SORCS1: variants seen among roughly 807,000 people sequenced by gnomAD.
SORCS1 encodes the protein VPS10 domain-containing receptor SorCS1.
Under a neutral mutation model 146.1 loss-of-function variants are expected in SORCS1, and 60 were observed. The ratio of observed to expected loss-of-function variants is 0.41; its 90% CI spans 0.33 to 0.51. The LOEUF (loss-of-function observed/expected upper bound fraction) is 0.51. Among genes scored for constraint, SORCS1 ranks in the 20% least tolerant of loss-of-function variants. The pLI, the probability that SORCS1 is intolerant of heterozygous loss-of-function variation, is 0.21. For synonymous variants in SORCS1, 637 were observed against 584.0 expected, an observed-to-expected ratio of 1.09 and a Z score of -1.31; for missense variants, 1,352 against 1,487.6, an observed-to-expected ratio of 0.91 and a Z score of 1.50.
At chr10:106,929,539 T>C (rs537486192) in intron 2 of SORCS1, among the ~76,000 whole-genome samples, 1 of 152,284 alleles carries the variant, frequency 6.6e-6, no homozygotes. Flanking sequence ...GAAACCACAC[T>C]GAGAGAGATT....
At position 106,831,730 on chromosome 10, in the gene SORCS1, T is replaced by C. The variant is rs1948553673; in HGVS notation, c.627-2057A>G. 3.3e-5 allele frequency among the ~76,000 whole-genome samples: 5 copies of C among 151,492 alleles called. No homozygotes were observed. The South Asian group carries it at 1.0e-3, about 31-fold the overall frequency. On this transcript the variant is annotated intron_variant, in intron 2 of 25. Coordinates refer to ENST00000263054, the MANE Select transcript of SORCS1 (RefSeq NM_052918.5). ...GCTGGAAATTCAAGATATTTCTTCC[T>C]AAAATTTATACATAGATGGCAAACA...
At chr10:107,152,591 G>A (rs897278615) in intron 1 of SORCS1, among the ~76,000 whole-genome samples, 2 of 152,132 alleles carry the variant, frequency 1.3e-5, no homozygotes, top group Admixed American at 1.3e-4. Flanking sequence ...GCTCTCATGG[G>A]ATCTGATGGT....
chr10:106,858,098 G>C (rs375372362), intron 2 of SORCS1, among the ~76,000 whole-genome samples: 2 of 152,296 alleles, frequency 1.3e-5, no homozygotes, highest in African/African-American at 4.8e-5. Flanking sequence ...AGTAGGTTAA[G>C]GGGAAGTCAT....
At chr10:106,802,500 T>A (rs1946953369) in intron 3 of SORCS1, among the ~76,000 whole-genome samples, 1 of 72,504 alleles carries the variant, frequency 1.4e-5, no homozygotes, top group Non-Finnish European at 3.2e-5. Context: ...CCCAGCTAAT[T>A]TTTTTTTTTT....
At chr10:107,056,870 G>A (rs939894137) in intron 1 of SORCS1, among the ~76,000 whole-genome samples, 4 of 152,178 alleles carry the variant, frequency 2.6e-5, no homozygotes, top group Non-Finnish European at 5.9e-5. Context: ...CAATAGGCCA[G>A]GTAATGGATA....
At chr10:106,969,202 T>A (rs1174556958) in intron 1 of SORCS1, among the ~76,000 whole-genome samples, 6 of 152,250 alleles carry the variant, frequency 3.9e-5, no homozygotes, top group Admixed American at 6.5e-5. Flanking sequence ...TCCATGTGAT[T>A]CTAGTTCTAA....
In SORCS1 at chr10:106,693,774, C is replaced by G. The variant is rs183834062; in HGVS notation, c.1414-5436G>C. On this transcript the variant is annotated intron_variant, in intron 9 of 25. Coordinates refer to ENST00000263054, the MANE Select transcript of SORCS1 (RefSeq NM_052918.5). ...AGTCTTCCCATAAATATCTCTAGTA[C>G]TTCTTATGCTCTTTATTATAAATCA... 1.1e-3 allele frequency among the ~76,000 whole-genome samples: 162 copies of G among 152,232 alleles called. 1 individual carries two copies. The highest frequency in any genetic ancestry group is 3.7e-3 in the African/African-American group (154 of 41,530).
At chr10:106,713,592 C>T (rs73380328) in intron 6 of SORCS1, among the ~76,000 whole-genome samples, 5,466 of 152,286 alleles carry the variant, frequency 0.036, 287 homozygotes, top group African/African-American at 0.12. Context: ...GTGAGCCAGG[C>T]AGTCTGAAGC....
At chr10:107,097,901 T>A (rs543396215) in intron 1 of SORCS1, among the ~76,000 whole-genome samples, 1 of 152,268 alleles carries the variant, frequency 6.6e-6, no homozygotes, top group African/African-American at 2.4e-5. Context: ...AAAATCTACA[T>A]CCTTGAGCTA....
In SORCS1 at chr10:107,038,650, T is replaced by C. The variant is rs1959021131; in HGVS notation, c.559-82070A>G. 3.3e-5 allele frequency among the ~76,000 whole-genome samples: 5 copies of C among 150,236 alleles called. No homozygotes were observed. The South Asian group carries it at 1.1e-3, about 32-fold the overall frequency. On this transcript the variant is annotated intron_variant, in intron 1 of 25. Transcript: ENST00000263054. ...TTGTTTTAAACTGGTAAAATGGGGA[T>C]AAAGAGGAAAGTAGACACTGCCCAC... is the stretch of plus-strand genomic sequence containing the variant.
At chr10:106,693,470 G>T (rs1304630123) in intron 9 of SORCS1, among the ~76,000 whole-genome samples, 1 of 152,112 alleles carries the variant, frequency 6.6e-6, no homozygotes, top group African/African-American at 2.4e-5. Flanking sequence ...GTATCAGAAT[G>T]TTCTACTCAA....
intron 2 of SORCS1, among the ~76,000 whole-genome samples, chr10:106,896,400 G>T (rs2137985790): frequency 6.8e-6 from 1 of 146,702 alleles, no homozygotes; most frequent in South Asian, 2.2e-4. Flanking sequence ...CTGCACTCCA[G>T]CCTGGGTGAC....
intron 2 of SORCS1, among the ~76,000 whole-genome samples, chr10:106,866,078 A>T (rs1185196350): frequency 1.3e-5 from 2 of 150,626 alleles, no homozygotes; most frequent in Admixed American, 6.6e-5. Context: ...GCCTGTTCCC[A>T]TATCTCCTCA....
Position 106,671,356 on chromosome 10 carries a change from A to G in SORCS1, c.2070T>C (p.Cys690=), listed in dbSNP as rs747924874. The G allele has an allele frequency of 1.9e-6, 3 of 1,614,048 alleles. No individual in the cohort carries two copies. The highest frequency in any genetic ancestry group is 2.5e-6 in the Non-Finnish European group (3 of 1,179,948). Reference sequence around the variant, plus strand: ...TATATATCCTTTTTGCTCCCATGATACATGCTTCCCCCTGTAAGCAGAGAA... The same window carrying G: ...TATATATCCTTTTTGCTCCCATGATGCATGCTTCCCCCTGTAAGCAGAGAA... The part of the protein sequence containing the change: ...PWQLHSQGEA[C]IMGAKRIYKK... The change falls in exon 16 of 26, where the codon TGT becomes TGC. Residue 690 remains cysteine (C), a synonymous_variant. Coordinates refer to ENST00000263054, the MANE Select transcript of SORCS1 (RefSeq NM_052918.5).
At chr10:106,955,003 C>T (rs946229971) in intron 2 of SORCS1, among the ~76,000 whole-genome samples, 1 of 152,258 alleles carries the variant, frequency 6.6e-6, no homozygotes, top group Non-Finnish European at 1.5e-5. Context: ...GCAGCTGCCC[C>T]ACACAACGGG....
chr10:107,007,803 C>T (rs1451712768), intron 1 of SORCS1, among the ~76,000 whole-genome samples: 15 of 151,550 alleles, frequency 9.9e-5, no homozygotes, highest in South Asian at 2.1e-4. Flanking sequence ...CCATTGAATA[C>T]CATGCGAGGC....
chr10:106,736,602 TA>T (rs10684476), intron 5 of SORCS1, among the ~76,000 whole-genome samples: 35 of 38,774 alleles, frequency 9.0e-4, no homozygotes, highest in African/African-American at 2.3e-3. Context: ...TAACCCTGGT[TA>T]AAAAAAAAAA....
the SORCS1 span, among the ~76,000 whole-genome samples, chr10:107,178,029 A>G: frequency 2.6e-5 from 4 of 152,142 alleles, no homozygotes; most frequent in Non-Finnish European, 5.9e-5. Context: ...GAAGGAGAGC[A>G]TGAAGAATAG....
At chr10:106,913,540 C>T (rs1031158039) in intron 2 of SORCS1, among the ~76,000 whole-genome samples, 1 of 152,150 alleles carries the variant, frequency 6.6e-6, no homozygotes, top group East Asian at 1.9e-4. Context: ...TGAAATGCAA[C>T]TTAATTCTAT....
Sources: gnomAD v4.1 joint callset for allele counts (sites outside exome capture counted in the v4.1 genomes callset) on GRCh38, gnomAD v4.1.1 for gene constraint, MANE v1.5 for transcripts, NCBI Gene and HGNC (gene_info 2026-07-23, HGNC 2026-07-21) for gene names.